TRPM3: variants seen among roughly 807,000 people sequenced by gnomAD.
TRPM3 encodes the protein transient receptor potential cation channel subfamily M member 3.
In TRPM3, 77 loss-of-function variants were observed where a neutral mutation model predicts 181.2. The observed-to-expected ratio is 0.42, with a 90% CI of 0.35 to 0.51. The LOEUF is 0.51. Among genes scored for constraint, TRPM3 ranks in the 20% least tolerant of loss-of-function variants. The pLI is 0.01. For synonymous variants in TRPM3, 745 were observed against 796.4 expected (o/e 0.94, Z 1.09); for missense variants, 1,759 against 2,196.7 (o/e 0.80, Z 3.98).
chr9:71,409,469 G>T (rs539266247), intron 1 of TRPM3, among the ~76,000 whole-genome samples: 1 of 152,250 alleles, frequency 6.6e-6, no homozygotes, highest in African/African-American at 2.4e-5. Flanking sequence ...CCTAGTCTCT[G>T]ATAAAACAGA....
At chr9:71,190,173 C>T (rs1186502142) in intron 1 of TRPM3, among the ~76,000 whole-genome samples, 2 of 151,828 alleles carry the variant, frequency 1.3e-5, no homozygotes, top group Non-Finnish European at 2.9e-5. Flanking sequence ...GGAGCAGATC[C>T]ATGTCACTTC....
At chr9:70,600,326 T>C (rs1269652700) in intron 20 of TRPM3, among the ~76,000 whole-genome samples, 1 of 152,138 alleles carries the variant, frequency 6.6e-6, no homozygotes, top group African/African-American at 2.4e-5. Context: ...GAGAAAAGAC[T>C]GGAGGCAGGT....
At chr9:71,197,896 T>C (rs894645561) in intron 1 of TRPM3, among the ~76,000 whole-genome samples, 9 of 150,242 alleles carry the variant, frequency 6.0e-5, no homozygotes, top group Non-Finnish European at 1.0e-4. Flanking sequence ...TTTGTCAATT[T>C]TGGCTTTTGT....
intron 19 of TRPM3, among the ~76,000 whole-genome samples, chr9:70,607,779 ATTTCTGCTCTCGGGAGTCTGTAAACTT>A (rs1186275107): frequency 2.0e-5 from 3 of 152,096 alleles, no homozygotes; most frequent in African/African-American, 7.2e-5. Context: ...ATTTCTACTG[ATTTCTGCTCTCGGGAGTCTGTAAACTT>A]TTTCTGCAAA....
At chr9:71,070,022 T>A (rs565071445) in intron 1 of TRPM3, among the ~76,000 whole-genome samples, 1 of 152,242 alleles carries the variant, frequency 6.6e-6, no homozygotes, top group Non-Finnish European at 1.5e-5. Flanking sequence ...TGCCAAGTTA[T>A]CATTCTGCTT....
At chr9:71,192,447 C>T (rs973226968) in intron 1 of TRPM3, among the ~76,000 whole-genome samples, 4 of 151,824 alleles carry the variant, frequency 2.6e-5, no homozygotes, top group Non-Finnish European at 5.9e-5. Context: ...TTGATAACAG[C>T]CATCCTAAAA....
At chr9:71,035,879 A>T (rs2058123631) in intron 1 of TRPM3, among the ~76,000 whole-genome samples, 2 of 152,020 alleles carry the variant, frequency 1.3e-5, no homozygotes, top group South Asian at 4.1e-4. Flanking sequence ...ATATGGTACA[A>T]ATTATTAAAT....
chr9:70,888,150 C>T (rs1373870620), intron 1 of TRPM3, among the ~76,000 whole-genome samples: 1 of 152,144 alleles, frequency 6.6e-6, no homozygotes, highest in Non-Finnish European at 1.5e-5. Flanking sequence ...GGCGTATTAA[C>T]TAGATTTGGC....
At chr9:71,387,750 T>C (rs1298130037) in intron 1 of TRPM3, among the ~76,000 whole-genome samples, 1 of 152,154 alleles carries the variant, frequency 6.6e-6, no homozygotes, top group Non-Finnish European at 1.5e-5. Flanking sequence ...CCTCCATTAT[T>C]AGTTAATTTT....
At chr9:71,353,589 A>G (rs576948671) in intron 1 of TRPM3, among the ~76,000 whole-genome samples, 36 of 152,302 alleles carry the variant, frequency 2.4e-4, no homozygotes, top group African/African-American at 8.2e-4. Flanking sequence ...CTTTGCCAAA[A>G]TTGTATAAAG....
intron 1 of TRPM3, among the ~76,000 whole-genome samples, chr9:71,081,311 T>A (rs968244738): frequency 2.0e-5 from 3 of 152,214 alleles, no homozygotes; most frequent in African/African-American, 7.2e-5. Flanking sequence ...CAAGGAAGAC[T>A]GCCTGGATTC....
At chr9:70,639,775 C>A (rs2057771728) in intron 10 of TRPM3, among the ~76,000 whole-genome samples, 1 of 152,100 alleles carries the variant, frequency 6.6e-6, no homozygotes, top group Non-Finnish European at 1.5e-5. Context: ...TTATTTAATC[C>A]ATTTCACAAA....
chr9:70,665,921 T>C (rs1264973023), intron 9 of TRPM3, among the ~76,000 whole-genome samples: 1 of 152,218 alleles, frequency 6.6e-6, no homozygotes, highest in East Asian at 1.9e-4. Flanking sequence ...GAACCATATA[T>C]GCTTCATTTT....
At chr9:70,964,828 A>T (rs959250993) in intron 1 of TRPM3, among the ~76,000 whole-genome samples, 6 of 152,014 alleles carry the variant, frequency 3.9e-5, no homozygotes, top group African/African-American at 1.4e-4. Flanking sequence ...TCTAAATCTG[A>T]CCTTTTCTGA....
At chr9:71,210,267 C>T (rs1052091985) in intron 1 of TRPM3, among the ~76,000 whole-genome samples, 5 of 152,224 alleles carry the variant, frequency 3.3e-5, no homozygotes, top group Admixed American at 1.3e-4. Context: ...TGTCTCCCAT[C>T]ACCCCCGGAT....
chr9:70,982,996 G>T (rs939079746), intron 1 of TRPM3, among the ~76,000 whole-genome samples: 1 of 152,138 alleles, frequency 6.6e-6, no homozygotes, highest in African/African-American at 2.4e-5. Flanking sequence ...ACCACACCTG[G>T]CCAAGTTCTC....
chr9:70,862,438 C>T (rs1485096291), intron 3 of TRPM3, among the ~76,000 whole-genome samples: 4 of 151,946 alleles, frequency 2.6e-5, no homozygotes, highest in Non-Finnish European at 5.9e-5. Context: ...TCTCTTAGAA[C>T]AAGGAAAGAA....
At chr9:71,283,387 C>T (rs1233220052) in intron 1 of TRPM3, among the ~76,000 whole-genome samples, 1 of 152,106 alleles carries the variant, frequency 6.6e-6, no homozygotes, top group African/African-American at 2.4e-5. Context: ...AGCTGTGCCT[C>T]CCGGGTTCAC....
intron 1 of TRPM3, among the ~76,000 whole-genome samples, chr9:71,043,774 C>T (rs753970939): frequency 7.9e-5 from 12 of 152,148 alleles, no homozygotes; most frequent in Non-Finnish European, 1.6e-4. Flanking sequence ...GACTGACAAG[C>T]GAATCTATGT....
Sources: allele counts gnomAD v4.1 joint callset (sites outside exome capture counted in the v4.1 genomes callset), GRCh38; gene constraint gnomAD v4.1.1; transcripts MANE v1.5; gene names NCBI Gene and HGNC (gene_info 2026-07-23, HGNC 2026-07-21).